The following ETV1 variants were observed in gnomAD, a reference collection of about 807,000 sequenced individuals.
ETV1 encodes the protein ETS translocation variant 1.
In ETV1, 27 loss-of-function variants were observed where a neutral mutation model predicts 62.3. That is an observed-to-expected ratio of 0.43 (90% CI 0.32 to 0.60). ETV1 has a LOEUF of 0.60. Among genes scored for constraint, ETV1 ranks in the 20% least tolerant of loss-of-function variants. ETV1 has a pLI of 0.06. For missense variants in ETV1, 605 were observed against 605.8 expected (o/e 1.00, Z 0.01); for synonymous variants, 222 against 199.6 (o/e 1.11, Z -0.94).
Position 13,941,037 on chromosome 7 carries a change from G to C in ETV1, c.236-1791C>G, listed in dbSNP as rs76562861. On this transcript the variant is annotated intron_variant, in intron 6 of 13. Transcript: ENST00000430479. ...ATGTAGTGTGTGTGTGTACATACAT[G>C]TTTAGTACGCCTATTCAAAGTAAAG... 5.3e-3 allele frequency among the ~76,000 whole-genome samples: 803 copies of C among 152,086 alleles called. 14 individuals are homozygous for C. The highest frequency in any genetic ancestry group is 0.014 in the Admixed American group (210 of 15,270).
intron 6 of ETV1, among the ~76,000 whole-genome samples, chr7:13,939,602 T>A (rs1787239161): frequency 6.6e-6 from 1 of 152,202 alleles, no homozygotes; most frequent in South Asian, 2.1e-4. Flanking sequence ...AAATTACAGA[T>A]GATTAGCCAA....
At chr7:13,898,664 A>C (rs77187416) in intron 13 of ETV1, among the ~76,000 whole-genome samples, 1,694 of 152,302 alleles carry the variant, frequency 0.011, 24 homozygotes, top group African/African-American at 0.039. Flanking sequence ...TATATACACC[A>C]CATATGCCCA....
intron 9 of ETV1, among the ~76,000 whole-genome samples, chr7:13,930,381 G>A (rs926292499): frequency 1.3e-5 from 2 of 152,068 alleles, no homozygotes; most frequent in Non-Finnish European, 2.9e-5. Context: ...GAGTGCAGTG[G>A]CGCAATCTTG....
At chr7:13,920,530 G>A (rs1219815266) in intron 9 of ETV1, among the ~76,000 whole-genome samples, 2 of 152,038 alleles carry the variant, frequency 1.3e-5, no homozygotes, top group Non-Finnish European at 2.9e-5. Context: ...ATTCATGTAA[G>A]AGAAATGCTT....
intron 5 of ETV1, among the ~76,000 whole-genome samples, chr7:13,985,008 G>C (rs1279821980): frequency 6.6e-6 from 1 of 151,786 alleles, no homozygotes; most frequent in African/African-American, 2.4e-5. Flanking sequence ...CAGGAACAGA[G>C]TTGCTATGCA....
At chr7:13,907,503 G>T (rs559277998) in intron 11 of ETV1, among the ~76,000 whole-genome samples, 11 of 151,868 alleles carry the variant, frequency 7.2e-5, no homozygotes, top group South Asian at 2.1e-4. Context: ...TGTTCATGTT[G>T]CAATGCTTCT....
chr7:13,920,019 C>T (rs758408450), intron 9 of ETV1, among the ~76,000 whole-genome samples: 5 of 152,096 alleles, frequency 3.3e-5, no homozygotes, highest in Non-Finnish European at 7.4e-5. Context: ...ATAAGCAGTT[C>T]TGGGCCTAAA....
At chr7:13,921,682 T>C (rs1329160110) in intron 9 of ETV1, among the ~76,000 whole-genome samples, 4 of 152,150 alleles carry the variant, frequency 2.6e-5, no homozygotes, top group Non-Finnish European at 5.9e-5. Flanking sequence ...ATATTCAACC[T>C]CCAATTTCTA....
At chr7:13,909,165 T>G (rs1424339055) in intron 11 of ETV1, among the ~76,000 whole-genome samples, 15 of 146,680 alleles carry the variant, frequency 1.0e-4, no homozygotes, top group Admixed American at 1.0e-3. Context: ...GGACTAACAA[T>G]CACTAACTAA....
intron 13 of ETV1, among the ~76,000 whole-genome samples, chr7:13,896,299 G>A (rs1781768724): frequency 6.6e-6 from 1 of 151,866 alleles, no homozygotes; most frequent in Middle Eastern, 3.2e-3. Context: ...GATGCAAAAT[G>A]TTGACCTTGA....
intron 8 of ETV1, among the ~76,000 whole-genome samples, chr7:13,932,407 G>A (rs992893671): frequency 1.3e-5 from 2 of 152,180 alleles, no homozygotes; most frequent in African/African-American, 4.8e-5. Context: ...AAACAGCAAT[G>A]CAGACCATAT....
At position 13,939,381 on chromosome 7, in the gene ETV1, G is replaced by C. The variant is rs955214908; in HGVS notation, c.236-135C>G. The C allele has an allele frequency of 6.0e-5, 42 of 704,582 alleles. 3 individuals carry two copies. The South Asian group carries it at 9.3e-4, about 16-fold the overall frequency. 43.6% of individuals were successfully genotyped at this position (704,582 alleles called of 1,614,324 possible). A position where few individuals can be genotyped will look rare whatever the true frequency, so the allele number is the denominator to read the frequency against. On this transcript the variant is annotated intron_variant, in intron 6 of 13. Transcript: ENST00000430479. ...TACATATGTAAGAAAAATCACGTTT[G>C]ATGAATTTCAGTAGCAGAAGATTTC...
intron 9 of ETV1, among the ~76,000 whole-genome samples, chr7:13,917,508 G>A (rs139109754): frequency 7.4e-4 from 112 of 151,702 alleles, no homozygotes; most frequent in African/African-American, 2.1e-3. Context: ...GTAGAGACAG[G>A]GTTTCACTAT....
chr7:13,911,931 C>T (rs1311367968), intron 9 of ETV1, among the ~76,000 whole-genome samples: 3 of 152,124 alleles, frequency 2.0e-5, no homozygotes, highest in Non-Finnish European at 4.4e-5. Context: ...ACTTCTTAAC[C>T]AATGGTACTT....
At chr7:13,907,762 T>C (rs1193352772) in intron 11 of ETV1, 2 of 461,794 alleles carry the variant, frequency 4.3e-6, no homozygotes, top group African/African-American at 2.0e-5. Context: ...CATTATAAAA[T>C]AGACCAAATT....
chr7:13,914,941 T>G (rs530983927), intron 9 of ETV1, among the ~76,000 whole-genome samples: 11 of 152,292 alleles, frequency 7.2e-5, no homozygotes, highest in African/African-American at 2.6e-4. Context: ...TGCTATCAAA[T>G]AGTGTGTAAA....
intron 6 of ETV1, among the ~76,000 whole-genome samples, chr7:13,962,077 A>G (rs1790234025): frequency 6.6e-6 from 1 of 152,006 alleles, no homozygotes; most frequent in East Asian, 1.9e-4. Flanking sequence ...TGTATTTCAT[A>G]TATCTATATA....
At chr7:13,959,262 C>A (rs1356943214) in intron 6 of ETV1, among the ~76,000 whole-genome samples, 1 of 151,934 alleles carries the variant, frequency 6.6e-6, no homozygotes, top group Admixed American at 6.6e-5. Flanking sequence ...ATTGACATAC[C>A]ACGGTTACCT....
intron 6 of ETV1, among the ~76,000 whole-genome samples, chr7:13,976,240 G>C (rs990526458): frequency 6.6e-6 from 1 of 152,190 alleles, no homozygotes; most frequent in African/African-American, 2.4e-5. Context: ...TTGTTTTACA[G>C]GTACAGAACT....
Sources: allele counts gnomAD v4.1 joint callset (sites outside exome capture counted in the v4.1 genomes callset), GRCh38; gene constraint gnomAD v4.1.1; transcripts MANE v1.5; gene names NCBI Gene and HGNC (gene_info 2026-07-23, HGNC 2026-07-21).